Variants in UBA6 observed in about 807,000 individuals in gnomAD.
UBA6 encodes ubiquitin-like modifier-activating enzyme 6.
A neutral mutation model predicts 148.3 loss-of-function variants in UBA6; 87 were observed. The observed-to-expected ratio is 0.59, with a 90% CI of 0.49 to 0.70. UBA6 has a LOEUF of 0.70. Among genes scored for constraint, UBA6 ranks in the 30% least tolerant of loss-of-function variants. The pLI, the probability that UBA6 is intolerant of heterozygous loss-of-function variation, is 0.00. For synonymous variants in UBA6, 376 were observed against 401.0 expected, an observed-to-expected ratio of 0.94 and a Z score of 0.75; for missense variants, 1,186 against 1,241.2, an observed-to-expected ratio of 0.96 and a Z score of 0.67.
At chr4:67,654,205 C>T (rs1040864772) in intron 13 of UBA6, among the ~76,000 whole-genome samples, 11 of 152,116 alleles carry the variant, frequency 7.2e-5, no homozygotes, top group African/African-American at 2.2e-4. Flanking sequence ...AGATACTCCT[C>T]GAGAAGAGCA....
chr4:67,648,510 CAAA>C (rs1369362623), intron 14 of UBA6, among the ~76,000 whole-genome samples: 1 of 150,802 alleles, frequency 6.6e-6, no homozygotes, highest in Non-Finnish European at 1.5e-5. Context: ...ATGGTATATT[CAAA>C]ATGTTTATGG....
At chr4:67,645,793 AT>A (rs1483686146) in intron 16 of UBA6, 144 bp downstream of exon 16, 4 of 412,572 alleles carry the variant, frequency 9.7e-6, no homozygotes, top group African/African-American at 8.2e-5. Context: ...ACAGTAAACA[AT>A]TTCAGCTTTA....
chr4:67,633,262 T>C, intron 23 of UBA6, 83 bp downstream of exon 23: 2 of 1,241,390 alleles, frequency 1.6e-6, no homozygotes, highest in African/African-American at 3.0e-5. Context: ...AGAATACACA[T>C]TTCAGGTCAA....
chr4:67,656,561 C>G (rs1433512078), intron 13 of UBA6, among the ~76,000 whole-genome samples: 1 of 152,148 alleles, frequency 6.6e-6, no homozygotes, highest in Non-Finnish European at 1.5e-5. Flanking sequence ...ATGACAAACC[C>G]ACAGCCAATA....
chr4:67,646,060 TA>T, intron 15 of UBA6, 44 bp from the exon 16 acceptor site: 1 of 1,189,026 alleles, frequency 8.4e-7, no homozygotes, highest in Non-Finnish European at 1.2e-6. Context: ...TAAAAAACAT[TA>T]AAATTAGTTT....
At chr4:67,644,558 A>G (rs373585730) in intron 17 of UBA6, 140 bp downstream of exon 17, 1 of 583,748 alleles carries the variant, frequency 1.7e-6, no homozygotes, top group African/African-American at 1.9e-5. Context: ...AGTGGTCAGA[A>G]GGGCATGACA....
At chr4:67,691,111 G>A (rs1382981249) in intron 2 of UBA6, among the ~76,000 whole-genome samples, 2 of 151,710 alleles carry the variant, frequency 1.3e-5, no homozygotes, top group African/African-American at 4.8e-5. Flanking sequence ...TAAATATACT[G>A]AAAATTTTTT....
intron 6 of UBA6, among the ~76,000 whole-genome samples, chr4:67,676,721 C>G (rs958494195): frequency 6.6e-6 from 1 of 152,170 alleles, no homozygotes; most frequent in Non-Finnish European, 1.5e-5. Context: ...TTTTAGCTAA[C>G]TGTTCATTTG....
In UBA6 at chr4:67,649,164, T is replaced by C. The variant is rs368146037; in HGVS notation, c.1152A>G (p.Gln384=). Residue 384 remains glutamine (Q), a synonymous_variant, in exon 14 of 33, where the codon CAA becomes CAG. Coordinates refer to ENST00000322244, the MANE Select transcript of UBA6 (RefSeq NM_018227.6). ...DIVHWLSWTA[Q]GFLSPLAAAV... The stretch of plus-strand genomic sequence containing the variant: ...CTGCAGCAAGTGGAGATAAAAAGCC[T>C]TGGGCAGTCCAAGAGAGCCAATGCA... 1.2e-6 allele frequency: 2 copies of C among 1,613,894 alleles called. No homozygotes were observed. Among genetic ancestry groups the C allele is most frequent in the Middle Eastern group, 1.6e-4 (1 of 6,062 alleles).
At chr4:67,700,960 G>A in intron 1 of UBA6, 89 bp downstream of exon 1, 1 of 1,530,752 alleles carries the variant, frequency 6.5e-7, no homozygotes. Context: ...CCTCTCGGGC[G>A]CCCCCAGCCC....
At chr4:67,681,672 C>A (rs1258016687) in intron 3 of UBA6, 81 bp from the exon 4 acceptor site, 33 of 922,306 alleles carry the variant, frequency 3.6e-5, no homozygotes, top group Non-Finnish European at 5.1e-5. Flanking sequence ...AGTCACATAT[C>A]TGACTGCATA....
intron 13 of UBA6, among the ~76,000 whole-genome samples, chr4:67,650,409 C>A (rs1038546731): frequency 6.6e-6 from 1 of 151,992 alleles, no homozygotes; most frequent in Non-Finnish European, 1.5e-5. Context: ...GGTTATGCAA[C>A]CTCCCAGGAT....
chr4:67,628,638 T>C (rs1016073392), intron 27 of UBA6, among the ~76,000 whole-genome samples: 4 of 151,898 alleles, frequency 2.6e-5, no homozygotes, highest in African/African-American at 9.7e-5. Context: ...CAAAATACAT[T>C]GGTCCAATGT....
chr4:67,697,925 A>T (rs1730880043), intron 1 of UBA6, among the ~76,000 whole-genome samples: 1 of 152,150 alleles, frequency 6.6e-6, no homozygotes, highest in Non-Finnish European at 1.5e-5. Context: ...TTTACTCTTA[A>T]AACAAAATTC....
chr4:67,625,396 T>TAAA (rs397878989), intron 28 of UBA6, among the ~76,000 whole-genome samples: 20 of 141,234 alleles, frequency 1.4e-4, no homozygotes, highest in South Asian at 6.7e-4. Flanking sequence ...TTTTTTTAAT[T>TAAA]AAAAAAAAAA....
Position 67,638,989 on chromosome 4 carries a change from T to C in UBA6, c.1690A>G (p.Ile564Val). The C allele has an allele frequency of 6.2e-7, 1 of 1,612,478 alleles. No individual in the cohort carries two copies. Among genetic ancestry groups the C allele is most frequent in the Non-Finnish European group, 8.5e-7 (1 of 1,178,964 alleles). ...NDEFYTKQDV[I>V]ITALDNVEAR... ...TCCACATTATCTAATGCTGTAATAA[T>C]TACATCTTGTTTAGTATAGAACTCA... Residue 564 changes from isoleucine to valine, a missense_variant, in exon 19 of 33, where the codon ATT (isoleucine) becomes GTT (valine). Ile to Val is a conservative substitution (Grantham distance 29). Coordinates refer to ENST00000322244, the MANE Select transcript of UBA6 (RefSeq NM_018227.6).
chr4:67,638,860 C>T (rs1729233635), intron 19 of UBA6, 83 bp downstream of exon 19: 2 of 1,016,350 alleles, frequency 2.0e-6, no homozygotes, highest in Non-Finnish European at 2.9e-6. Context: ...TCAGATAATT[C>T]CGTAACTTTT....
chr4:67,635,427 C>T, intron 20 of UBA6, 26 bp downstream of exon 20: 1 of 1,331,996 alleles, frequency 7.5e-7, no homozygotes, highest in Non-Finnish European at 1.1e-6. Flanking sequence ...AAAAAGACAT[C>T]TATTTCAAAA....
At chr4:67,671,258 T>G (rs775753140) in intron 7 of UBA6, among the ~76,000 whole-genome samples, 66 of 152,196 alleles carry the variant, frequency 4.3e-4, no homozygotes, top group Non-Finnish European at 7.9e-4. Flanking sequence ...CATTCTGTAA[T>G]GCACCCAATC....
Sources: allele counts gnomAD v4.1 joint callset (sites outside exome capture counted in the v4.1 genomes callset), GRCh38; gene constraint gnomAD v4.1.1; transcripts MANE v1.5; gene names NCBI Gene and HGNC (gene_info 2026-07-23, HGNC 2026-07-21).